FER: variants seen among roughly 807,000 people sequenced by gnomAD.
FER encodes the protein FER tyrosine kinase.
FER carries 63 observed loss-of-function variants against 111.0 expected under a neutral mutation model. The observed-to-expected ratio is 0.57, with a 90% CI of 0.46 to 0.70. The LOEUF is 0.70. Ranked by LOEUF, FER falls within the 30% of genes least tolerant of loss-of-function variation. FER has a pLI of 0.00. For synonymous variants in FER, 327 were observed against 313.9 expected, an observed-to-expected ratio of 1.04 and a Z score of -0.44; for missense variants, 914 against 954.0, an observed-to-expected ratio of 0.96 and a Z score of 0.55.
chr5:108,844,996 GTA>G (rs1178206742), intron 5 of FER, among the ~76,000 whole-genome samples: 371 of 29,242 alleles, frequency 0.013, no homozygotes, highest in Middle Eastern at 0.026. Context: ...GTGTGTGTGT[GTA>G]TATATATATA....
rs189567816 is a variant in FER, at chr5:108,758,224, G to A, written c.-205-9869G>A. Among the ~76,000 whole-genome samples, 92 of 152,292 alleles carry A rather than the reference G, an allele frequency of 6.0e-4. 1 individual carries two copies. The highest frequency in any genetic ancestry group is 2.1e-3 in the African/African-American group (89 of 41,570). On this transcript the variant is annotated intron_variant, in intron 1 of 19. Coordinates refer to ENST00000281092, the MANE Select transcript of FER (RefSeq NM_005246.4). ...CCCCATGTGAGGATTTAGCTTATGG[G>A]TACAGATATTATAAAGCATAGAGAG...
At chr5:108,765,571 C>T (rs1053799256) in intron 1 of FER, among the ~76,000 whole-genome samples, 5 of 152,102 alleles carry the variant, frequency 3.3e-5, no homozygotes, top group African/African-American at 1.2e-4. Flanking sequence ...AGTGGGCTAG[C>T]TTTCCTGAGC....
chr5:108,849,246 C>T lies in FER; in HGVS notation c.481+13439C>T, dbSNP rs1299129742. On this transcript the variant is annotated intron_variant, in intron 5 of 19. Coordinates refer to ENST00000281092, the MANE Select transcript of FER (RefSeq NM_005246.4). ...TTCTTCACATATATTTTCTGTCTCCCCTTCTCTTTTTGCTTTCTTTCAGAG... is the reference window on the plus strand; with the variant it reads ...TTCTTCACATATATTTTCTGTCTCCTCTTCTCTTTTTGCTTTCTTTCAGAG... Among the ~76,000 whole-genome samples the T allele has an allele frequency of 5.9e-5, 9 of 151,978 alleles. No homozygotes were observed. The South Asian group carries it at 1.7e-3, about 28-fold the overall frequency.
chr5:109,118,217 C>T (rs534029826), intron 17 of FER, among the ~76,000 whole-genome samples: 25 of 152,092 alleles, frequency 1.6e-4, no homozygotes, highest in Admixed American at 3.9e-4. Flanking sequence ...TAGCATGAAG[C>T]GTTGTTGAAT....
At chr5:108,923,634 A>G (rs944099971) in intron 10 of FER, among the ~76,000 whole-genome samples, 2 of 152,222 alleles carry the variant, frequency 1.3e-5, no homozygotes, top group Non-Finnish European at 2.9e-5. Context: ...ACAAATCATT[A>G]TAGAATAGGT....
intron 13 of FER, among the ~76,000 whole-genome samples, chr5:108,987,887 T>C (rs1762752558): frequency 6.6e-6 from 1 of 152,200 alleles, no homozygotes; most frequent in South Asian, 2.1e-4. Context: ...TCAGAGGGAA[T>C]GCTTTCAACT....
Position 109,166,576 on chromosome 5 carries a change from A to T in FER, c.2049-14171A>T, listed in dbSNP as rs538580576. Among the ~76,000 whole-genome samples, 3 of 152,300 alleles carry T rather than the reference A, an allele frequency of 2.0e-5. No homozygotes were observed. The South Asian group carries it at 6.2e-4, about 32-fold the overall frequency. Reference sequence around the variant, plus strand: ...ACCACCCCAAAGTATTTTGTCTTATAGTACAGTGTCTCAAAGTATAGTGTC... The same window carrying T: ...ACCACCCCAAAGTATTTTGTCTTATTGTACAGTGTCTCAAAGTATAGTGTC... On this transcript the variant is annotated intron_variant, in intron 17 of 19. Coordinates refer to ENST00000281092, the MANE Select transcript of FER (RefSeq NM_005246.4).
At chr5:108,896,807 A>G (rs1749173172) in intron 9 of FER, among the ~76,000 whole-genome samples, 2 of 152,190 alleles carry the variant, frequency 1.3e-5, no homozygotes, top group Admixed American at 1.3e-4. Flanking sequence ...CTTATTTTCC[A>G]ATTTTGACAT....
At chr5:109,136,944 A>G (rs575586638) in intron 17 of FER, among the ~76,000 whole-genome samples, 235 of 152,328 alleles carry the variant, frequency 1.5e-3, no homozygotes, top group Middle Eastern at 3.4e-3. Context: ...CAATTTTGAT[A>G]TCATCAATTT....
In FER at chr5:109,187,551, T is replaced by TATCA. The variant is rs1562009153; in HGVS notation, c.2446_2449dup (p.Ile817AsnfsTer26). On this transcript the variant is annotated frameshift_variant, in exon 20 of 20. Transcript: ENST00000281092. LOFTEE classifies it high-confidence loss of function. ...TCAGTGAACTTCAGAAAGAGCTCAC[T>TATCA]ATCATCAAGAGAAAACTCACATAGT... 1.2e-6 allele frequency: 2 copies of TATCA among 1,614,112 alleles called. No homozygotes were observed. Among genetic ancestry groups the TATCA allele is most frequent in the Non-Finnish European group, 8.5e-7 (1 of 1,179,994 alleles).
chr5:109,106,922 A>C (rs1749002404), intron 17 of FER, among the ~76,000 whole-genome samples: 1 of 152,224 alleles, frequency 6.6e-6, no homozygotes, highest in South Asian at 2.1e-4. Context: ...TTTGGAGTAA[A>C]GGGTCAGAGG....
At chr5:108,921,698 T>C (rs551098293) in intron 10 of FER, among the ~76,000 whole-genome samples, 2 of 152,266 alleles carry the variant, frequency 1.3e-5, no homozygotes, top group South Asian at 4.1e-4. Flanking sequence ...ACGTTGACAA[T>C]GTTTTTTACC....
chr5:109,153,261 G>A (rs905202553), intron 17 of FER, among the ~76,000 whole-genome samples: 9 of 151,366 alleles, frequency 5.9e-5, no homozygotes, highest in South Asian at 2.1e-4. Flanking sequence ...TTAAAAAGCA[G>A]CATTATGTTA....
chr5:109,021,397 T>A (rs752094030), intron 13 of FER, among the ~76,000 whole-genome samples: 42 of 152,048 alleles, frequency 2.8e-4, no homozygotes, highest in Non-Finnish European at 5.0e-4. Flanking sequence ...AATATAAGGG[T>A]ATACTTAACA....
rs117123733 is a variant in FER at position 109,023,526 on chromosome 5, C to T, written c.1657-13896C>T. Among the ~76,000 whole-genome samples, 59 of 152,182 alleles carry T rather than the reference C, an allele frequency of 3.9e-4. 1 individual carries two copies. The East Asian group carries it at 0.011, about 27-fold the overall frequency. ...CTCAGAGCCTTAGTTCCAGTTGTGC[C>T]TTTTGTCGGCAGTATTCTTTCCTAC... On this transcript the variant is annotated intron_variant, in intron 13 of 19. Transcript: ENST00000281092.
chr5:109,115,933 A>G (rs976347201), intron 17 of FER, among the ~76,000 whole-genome samples: 1 of 152,112 alleles, frequency 6.6e-6, no homozygotes, highest in African/African-American at 2.4e-5. Context: ...GAATTCTATA[A>G]TAAATAAAAA....
At chr5:109,120,084 T>A (rs1445823727) in intron 17 of FER, among the ~76,000 whole-genome samples, 1 of 152,130 alleles carries the variant, frequency 6.6e-6, no homozygotes, top group Non-Finnish European at 1.5e-5. Flanking sequence ...TTCACTTTAT[T>A]TTCTTTGCTG....
chr5:108,872,313 C>G (rs1764678086), intron 8 of FER, 101 bp downstream of exon 8: 3 of 1,186,844 alleles, frequency 2.5e-6, no homozygotes, highest in East Asian at 5.7e-5. Context: ...AAGTATTGAA[C>G]AGTAAATTTT....
intron 9 of FER, among the ~76,000 whole-genome samples, chr5:108,894,029 T>G (rs1298890060): frequency 6.6e-6 from 1 of 151,372 alleles, no homozygotes; most frequent in Non-Finnish European, 1.5e-5. Context: ...ACAGATTCCT[T>G]CCATCTCCAA....
Sources: gnomAD v4.1 joint callset for allele counts (sites outside exome capture counted in the v4.1 genomes callset) on GRCh38, gnomAD v4.1.1 for gene constraint, MANE v1.5 for transcripts, NCBI Gene and HGNC (gene_info 2026-07-23, HGNC 2026-07-21) for gene names.